The following APP variants were observed in gnomAD, a reference collection of about 807,000 sequenced individuals.
APP encodes the protein amyloid beta precursor protein.
A neutral mutation model predicts 101.4 loss-of-function variants in APP; 31 were observed. The ratio of observed to expected loss-of-function variants is 0.31; its 90% CI spans 0.23 to 0.41. The LOEUF (loss-of-function observed/expected upper bound fraction) is 0.41. Ranked by LOEUF, APP falls within the 10% of genes least tolerant of loss-of-function variation. The pLI is 1.00. For missense variants in APP, 839 were observed against 1,003.7 expected, an observed-to-expected ratio of 0.84 and a Z score of 2.22; for synonymous variants, 366 against 364.4, an observed-to-expected ratio of 1.00 and a Z score of -0.05.
At chr21:26,116,118 T>C (rs2062429667) in intron 1 of APP, among the ~76,000 whole-genome samples, 1 of 152,180 alleles carries the variant, frequency 6.6e-6, no homozygotes, top group African/African-American at 2.4e-5. Context: ...GAAAACAGTG[T>C]TCCTGACAAT....
At chr21:26,029,453 T>C (rs1211565593) in intron 5 of APP, among the ~76,000 whole-genome samples, 1 of 145,886 alleles carries the variant, frequency 6.9e-6, no homozygotes, top group Non-Finnish European at 1.5e-5. Context: ...CCCAAAAGAG[T>C]GAGTGCTAGT....
chr21:26,137,516 T>C (rs2062947381), intron 1 of APP, among the ~76,000 whole-genome samples: 1 of 152,136 alleles, frequency 6.6e-6, no homozygotes, highest in Admixed American at 6.5e-5. Flanking sequence ...GGGTTGGGAG[T>C]GGATCAACGA....
intron 1 of APP, chr21:26,140,086 G>T: frequency 1.7e-6 from 2 of 1,171,704 alleles, no homozygotes; most frequent in Non-Finnish European, 2.5e-6. Context: ...ATTACTGTCT[G>T]AGAACAGAGT....
At position 25,975,104 on chromosome 21, in the gene APP, T is replaced by C; in HGVS notation, c.1424A>G (p.Asn475Ser). Residue 475 changes from asparagine to serine, a missense_variant, in exon 11 of 18, where the codon AAC becomes AGC. Asn to Ser is a conservative substitution (Grantham distance 46). Coordinates refer to ENST00000346798, the MANE Select transcript of APP (RefSeq NM_000484.4). ...LNDRRRLALENYITALQAVPP... is the reference protein window; with the variant it reads ...LNDRRRLALESYITALQAVPP... ...AACAGCCTGCAGAGCGGTGATGTAG[T>C]TCTCCAGGGCCAGGCGGCGGCGGTC... is the stretch of plus-strand genomic sequence containing the variant. 4 of 1,614,066 alleles carry C rather than the reference T, an allele frequency of 2.5e-6. No individual in the cohort carries two copies. The highest frequency in any genetic ancestry group is 3.4e-6 in the Non-Finnish European group (4 of 1,180,018).
intron 5 of APP, among the ~76,000 whole-genome samples, chr21:26,041,395 T>C (rs2045365639): frequency 6.6e-6 from 1 of 152,330 alleles, no homozygotes; most frequent in Middle Eastern, 3.4e-3. Flanking sequence ...GTTAAAATCA[T>C]AAGAATCTGT....
At chr21:25,945,149 A>T (rs976924431) in intron 13 of APP, among the ~76,000 whole-genome samples, 2 of 152,184 alleles carry the variant, frequency 1.3e-5, no homozygotes, top group Non-Finnish European at 1.5e-5. Flanking sequence ...CTTAAGGAAA[A>T]GCTCACAAAT....
chr21:26,112,870 T>C (rs892700669), intron 1 of APP, among the ~76,000 whole-genome samples: 3 of 152,150 alleles, frequency 2.0e-5, no homozygotes, highest in African/African-American at 7.2e-5. Flanking sequence ...GGGTAGTAAG[T>C]AAGGGGTCCT....
chr21:25,905,886 G>C (rs1216691078), intron 14 of APP, among the ~76,000 whole-genome samples: 2 of 152,156 alleles, frequency 1.3e-5, no homozygotes, highest in African/African-American at 4.8e-5. Flanking sequence ...GGCGTTTGAA[G>C]AAACAAGGAA....
intron 3 of APP, among the ~76,000 whole-genome samples, chr21:26,053,866 A>G (rs1162024693): frequency 6.6e-6 from 1 of 152,212 alleles, no homozygotes; most frequent in Non-Finnish European, 1.5e-5. Context: ...TAAGAGAGAG[A>G]GAGTTTAATT....
chr21:25,894,620 T>G lies in APP; in HGVS notation c.2065-2752A>C, dbSNP rs550030275. On this transcript the variant is annotated intron_variant, in intron 16 of 17. Transcript: ENST00000346798. ...GTGGAGCCTAAAGACATGACTGAACTGCTACCATCTCATGATCAAACTTGA... is the reference window on the plus strand; with the variant it reads ...GTGGAGCCTAAAGACATGACTGAACGGCTACCATCTCATGATCAAACTTGA... Among the ~76,000 whole-genome samples, 136 of 152,364 alleles carry G rather than the reference T, an allele frequency of 8.9e-4. 2 individuals are homozygous for G. The highest frequency in any genetic ancestry group is 3.0e-3 in the African/African-American group (123 of 41,584).
intron 1 of APP, among the ~76,000 whole-genome samples, chr21:26,155,848 G>A (rs543148892): frequency 3.9e-5 from 6 of 152,064 alleles, no homozygotes; most frequent in South Asian, 2.1e-4. Context: ...ACAAAAAAAC[G>A]TAGCTGGGAG....
intron 1 of APP, among the ~76,000 whole-genome samples, chr21:26,170,245 G>A (rs1432504693): frequency 6.6e-6 from 1 of 151,666 alleles, no homozygotes; most frequent in Non-Finnish European, 1.5e-5. Context: ...CGCCTCCCCC[G>A]ACCCCCGCTT....
chr21:26,030,213 G>C (rs983519926), intron 5 of APP, among the ~76,000 whole-genome samples: 1 of 152,216 alleles, frequency 6.6e-6, no homozygotes. Flanking sequence ...CAGCAAGTCA[G>C]TGTCAGGATA....
chr21:25,928,933 G>C (rs1342358659), intron 13 of APP: 1 of 151,962 alleles, frequency 6.6e-6, no homozygotes, highest in South Asian at 2.1e-4. Context: ...TGTTGGCCGG[G>C]ATGGTCTCGA....
intron 11 of APP, among the ~76,000 whole-genome samples, chr21:25,958,462 A>T (rs2041424406): frequency 6.6e-6 from 1 of 152,102 alleles, no homozygotes; most frequent in South Asian, 2.1e-4. Flanking sequence ...TATTTTTAGT[A>T]GAGACGGGGT....
intron 13 of APP, among the ~76,000 whole-genome samples, chr21:25,949,229 A>G (rs1204847495): frequency 6.6e-6 from 1 of 152,208 alleles, no homozygotes; most frequent in African/African-American, 2.4e-5. Flanking sequence ...GAAAATTCAC[A>G]CTTATTTGTC....
At chr21:26,146,064 A>C (rs1022510323) in intron 1 of APP, among the ~76,000 whole-genome samples, 1 of 152,240 alleles carries the variant, frequency 6.6e-6, no homozygotes, top group Non-Finnish European at 1.5e-5. Flanking sequence ...CTGATCTAAA[A>C]AATTTCTGTA....
At chr21:26,013,693 C>T (rs552970843) in intron 6 of APP, among the ~76,000 whole-genome samples, 7 of 152,032 alleles carry the variant, frequency 4.6e-5, no homozygotes, top group African/African-American at 1.7e-4. Context: ...GTTGCCCAGG[C>T]TGGTGTCAAA....
intron 2 of APP, among the ~76,000 whole-genome samples, chr21:26,110,612 T>A (rs1162950160): frequency 1.3e-5 from 2 of 152,168 alleles, no homozygotes; most frequent in Non-Finnish European, 2.9e-5. Context: ...AAAACACCAA[T>A]TAGTAATTAG....
Sources: gnomAD v4.1 joint callset for allele counts (sites outside exome capture counted in the v4.1 genomes callset) on GRCh38, gnomAD v4.1.1 for gene constraint, MANE v1.5 for transcripts, NCBI Gene and HGNC (gene_info 2026-07-23, HGNC 2026-07-21) for gene names.